CLSTN2: variants seen among roughly 807,000 people sequenced by gnomAD.
CLSTN2 encodes the protein calsyntenin-2.
Under a neutral mutation model 101.2 loss-of-function variants are expected in CLSTN2, and 48 were observed. The ratio of observed to expected loss-of-function variants is 0.47; its 90% CI spans 0.38 to 0.60. The LOEUF is 0.60. Ranked by LOEUF, CLSTN2 falls within the 20% of genes least tolerant of loss-of-function variation. The pLI is 0.00. For synonymous variants in CLSTN2, 481 were observed against 463.6 expected (o/e 1.04, Z -0.48); for missense variants, 1,160 against 1,238.2 (o/e 0.94, Z 0.95).
chr3:140,371,715 CA>C (rs2087859346), intron 2 of CLSTN2, among the ~76,000 whole-genome samples: 1 of 152,192 alleles, frequency 6.6e-6, no homozygotes, highest in African/African-American at 2.4e-5. Context: ...AAGGACCACA[CA>C]AGCATTAATT....
At chr3:140,412,262 A>G (rs546733728) in intron 4 of CLSTN2, among the ~76,000 whole-genome samples, 1 of 152,238 alleles carries the variant, frequency 6.6e-6, no homozygotes, top group South Asian at 2.1e-4. Flanking sequence ...TGATCCGCCC[A>G]CCTCAACCTC....
chr3:140,036,828 T>G (rs2107762144), intron 1 of CLSTN2, among the ~76,000 whole-genome samples: 1 of 152,248 alleles, frequency 6.6e-6, no homozygotes, highest in East Asian at 1.9e-4. Flanking sequence ...GTCCTACATT[T>G]TAGATTATAT....
At chr3:140,246,628 T>G (rs2086520157) in intron 2 of CLSTN2, among the ~76,000 whole-genome samples, 1 of 152,172 alleles carries the variant, frequency 6.6e-6, no homozygotes, top group Non-Finnish European at 1.5e-5. Flanking sequence ...ACATCGTAAG[T>G]GCATTTAACA....
At chr3:140,296,522 A>T (rs2087005822) in intron 2 of CLSTN2, among the ~76,000 whole-genome samples, 1 of 152,174 alleles carries the variant, frequency 6.6e-6, no homozygotes, top group Non-Finnish European at 1.5e-5. Context: ...GTCTCAGCTT[A>T]CTTGTTATAT....
At chr3:140,235,706 G>A (rs2086410669) in intron 2 of CLSTN2, among the ~76,000 whole-genome samples, 1 of 152,172 alleles carries the variant, frequency 6.6e-6, no homozygotes, top group Admixed American at 6.5e-5. Context: ...GGAGAGGTAG[G>A]GGTTAAGTGG....
At chr3:140,491,024 C>A (rs1434724994) in intron 8 of CLSTN2, among the ~76,000 whole-genome samples, 2 of 152,198 alleles carry the variant, frequency 1.3e-5, no homozygotes, top group Non-Finnish European at 2.9e-5. Context: ...ACGGTGTCAA[C>A]CCCCGTAAGT....
At chr3:140,412,925 A>T (rs979485626) in intron 4 of CLSTN2, among the ~76,000 whole-genome samples, 2 of 152,204 alleles carry the variant, frequency 1.3e-5, no homozygotes, top group East Asian at 3.8e-4. Flanking sequence ...AAATAGAAAT[A>T]AATGCCTAAA....
At chr3:140,152,808 T>G (rs2009888147) in intron 1 of CLSTN2, among the ~76,000 whole-genome samples, 1 of 152,218 alleles carries the variant, frequency 6.6e-6, no homozygotes, top group Admixed American at 6.5e-5. Flanking sequence ...AATACCATTT[T>G]TCCTGCTCCA....
intron 2 of CLSTN2, among the ~76,000 whole-genome samples, chr3:140,240,787 C>G (rs914097918): frequency 6.6e-6 from 1 of 152,146 alleles, no homozygotes; most frequent in African/African-American, 2.4e-5. Flanking sequence ...GAAGACTGAT[C>G]ATTGGGTAAA....
At chr3:139,987,604 A>T (rs1229466676) in intron 1 of CLSTN2, among the ~76,000 whole-genome samples, 1 of 152,210 alleles carries the variant, frequency 6.6e-6, no homozygotes, top group Non-Finnish European at 1.5e-5. Context: ...AAAAAGTAAG[A>T]GCACTTCCTT....
At chr3:140,002,455 T>C (rs2006862629) in intron 1 of CLSTN2, among the ~76,000 whole-genome samples, 1 of 152,238 alleles carries the variant, frequency 6.6e-6, no homozygotes, top group Admixed American at 6.5e-5. Context: ...ATATTATGGT[T>C]ATTAATCCCT....
chr3:140,129,549 A>T (rs577673481), intron 1 of CLSTN2, among the ~76,000 whole-genome samples: 2 of 152,332 alleles, frequency 1.3e-5, no homozygotes, highest in South Asian at 2.1e-4. Context: ...AGTGTCTAGT[A>T]CACAGTATGT....
chr3:140,294,603 TGAGCCTAG>T, intron 2 of CLSTN2, among the ~76,000 whole-genome samples: 1 of 151,754 alleles, frequency 6.6e-6, no homozygotes, highest in Non-Finnish European at 1.5e-5. Context: ...AGAAACTCCA[TGAGCCTAG>T]GAGATCAATT....
intron 6 of CLSTN2, among the ~76,000 whole-genome samples, chr3:140,451,857 G>A (rs1459218592): frequency 1.3e-5 from 2 of 152,172 alleles, no homozygotes; most frequent in Non-Finnish European, 2.9e-5. Context: ...CAGTATTCAT[G>A]CATTTTTCAT....
intron 2 of CLSTN2, among the ~76,000 whole-genome samples, chr3:140,274,324 T>C (rs980626541): frequency 4.6e-5 from 7 of 152,108 alleles, no homozygotes; most frequent in African/African-American, 1.7e-4. Flanking sequence ...AGGACAACCT[T>C]GACAACAGAC....
intron 8 of CLSTN2, among the ~76,000 whole-genome samples, chr3:140,514,799 ATTTATT>A (rs1336530199): frequency 6.6e-6 from 1 of 151,996 alleles, no homozygotes; most frequent in Admixed American, 6.6e-5. Flanking sequence ...GCCAACATCT[ATTTATT>A]TTTATGTTCT....
chr3:140,185,827 TGGGA>T (rs1268640960), intron 2 of CLSTN2, among the ~76,000 whole-genome samples: 2 of 152,072 alleles, frequency 1.3e-5, no homozygotes, highest in African/African-American at 2.4e-5. Flanking sequence ...TGTGCCCAGA[TGGGA>T]GGGAGTGTGT....
chr3:140,529,233 G>A (rs1477826595), intron 8 of CLSTN2, among the ~76,000 whole-genome samples: 1 of 152,116 alleles, frequency 6.6e-6, no homozygotes. Context: ...CTTCCTGAAC[G>A]TGTATCCCTG....
intron 2 of CLSTN2, among the ~76,000 whole-genome samples, chr3:140,377,645 A>C (rs1458029802): frequency 6.6e-6 from 1 of 152,172 alleles, no homozygotes; most frequent in African/African-American, 2.4e-5. Context: ...ATATAAAGAA[A>C]GAAAACATTT....
Sources: gnomAD v4.1 joint callset for allele counts (sites outside exome capture counted in the v4.1 genomes callset) on GRCh38, gnomAD v4.1.1 for gene constraint, MANE v1.5 for transcripts, NCBI Gene and HGNC (gene_info 2026-07-23, HGNC 2026-07-21) for gene names.